Variants in BCL11B observed in about 807,000 individuals in gnomAD.
BCL11B encodes B-cell lymphoma/leukemia 11B.
A neutral mutation model predicts 49.9 loss-of-function variants in BCL11B; 8 were observed. That is an observed-to-expected ratio of 0.16 (90% CI 0.09 to 0.29). The LOEUF (loss-of-function observed/expected upper bound fraction) is 0.29. Ranked by LOEUF, BCL11B falls within the 10% of genes least tolerant of loss-of-function variation. The probability of loss-of-function intolerance (pLI) is 1.00; values close to 1 mark genes in which losing one functional copy is unlikely to be tolerated. For synonymous variants in BCL11B, 739 were observed against 637.4 expected, an observed-to-expected ratio of 1.16 and a Z score of -2.40; for missense variants, 1,006 against 1,351.0, an observed-to-expected ratio of 0.74 and a Z score of 4.00.
Position 99,232,209 on chromosome 14 carries a change from C to T in BCL11B, c.428-652G>A, listed in dbSNP as rs981088565. Among the ~76,000 whole-genome samples the T allele has an allele frequency of 7.9e-5, 12 of 152,080 alleles. No homozygotes were observed. The highest frequency in any genetic ancestry group is 2.9e-4 in the African/African-American group (12 of 41,418). ...ACCCCCCTACCACACCCCAAGAAAA[C>T]CCTGGCGCTGCTCACCCCCTCCTAA... On this transcript the variant is annotated intron_variant, in intron 2 of 3. Transcript: ENST00000357195. This position sits in a 1 kb window ranked among gnomAD's most constrained non-coding sequence, Gnocchi z 5.1.
chr14:99,259,984 C>T (rs1394505068), intron 1 of BCL11B, among the ~76,000 whole-genome samples: 2 of 152,110 alleles, frequency 1.3e-5, no homozygotes, highest in South Asian at 2.1e-4. Context: ...AAAGCTCGCA[C>T]CTTTAATTAC....
intron 3 of BCL11B, among the ~76,000 whole-genome samples, chr14:99,196,109 C>T (rs561922034): frequency 2.0e-5 from 3 of 152,122 alleles, no homozygotes; most frequent in East Asian, 1.9e-4. Context: ...TGGGGCTGTC[C>T]GGCATAATAT....
chr14:99,196,837 G>A (rs752194943), intron 3 of BCL11B, among the ~76,000 whole-genome samples: 12 of 152,154 alleles, frequency 7.9e-5, no homozygotes, highest in Non-Finnish European at 4.4e-5. Flanking sequence ...CGAACACCGA[G>A]CACCTTCACA....
intron 3 of BCL11B, among the ~76,000 whole-genome samples, chr14:99,216,908 A>G (rs1451459177): frequency 7.3e-6 from 1 of 136,532 alleles, no homozygotes; most frequent in African/African-American, 2.5e-5. Context: ...ACTCAGACAT[A>G]TACATATGTA....
intron 1 of BCL11B, among the ~76,000 whole-genome samples, chr14:99,268,262 G>A (rs936176571): frequency 1.8e-4 from 27 of 151,786 alleles, no homozygotes; most frequent in Admixed American, 1.6e-3. Context: ...CTTCTCAGAC[G>A]CTCCCTCCCC....
intron 3 of BCL11B, among the ~76,000 whole-genome samples, chr14:99,181,101 C>G (rs545348890): frequency 2.6e-5 from 4 of 152,178 alleles, no homozygotes; most frequent in Non-Finnish European, 5.9e-5. Context: ...GATAGGGGTC[C>G]TCCTAAGGCC....
rs563258789 is a variant in BCL11B, at chr14:99,253,168, G to A, written c.427+4303C>T. ...GTGACTCACACAGGTGGCCAGCAGT[G>A]AGTGATGGGGCTGGGATTCCACCCG... is the stretch of plus-strand genomic sequence containing the variant. On this transcript the variant is annotated intron_variant, in intron 2 of 3. Transcript: ENST00000357195. Among the ~76,000 whole-genome samples the A allele has an allele frequency of 5.9e-5, 9 of 152,356 alleles. No homozygotes were observed. The South Asian group carries it at 1.9e-3, about 32-fold the overall frequency.
intron 2 of BCL11B, among the ~76,000 whole-genome samples, chr14:99,252,328 C>T (rs919806947): frequency 7.2e-5 from 11 of 152,192 alleles, no homozygotes; most frequent in Non-Finnish European, 1.2e-4. Context: ...AGGCAACCTG[C>T]GAGTGGGGTT....
At chr14:99,253,228 C>T (rs964960689) in intron 2 of BCL11B, among the ~76,000 whole-genome samples, 1 of 152,194 alleles carries the variant, frequency 6.6e-6, no homozygotes, top group African/African-American at 2.4e-5. Context: ...TCACCTGAAA[C>T]CCCCCGCCGG....
intron 2 of BCL11B, among the ~76,000 whole-genome samples, chr14:99,252,475 C>G (rs908996524): frequency 6.6e-6 from 1 of 152,308 alleles, no homozygotes; most frequent in African/African-American, 2.4e-5. Context: ...TCCCTGGGCT[C>G]GTCAGAAGTC....
At position 99,262,622 on chromosome 14, in the gene BCL11B, C is replaced by A. The variant is rs891913963; in HGVS notation, c.59-4783G>T. ...CCATCCGCCCGAGCTCTGCATCCGA[C>A]TGGAGACTTTACACCTGCTTCCTAC... On this transcript the variant is annotated intron_variant, in intron 1 of 3. Coordinates refer to ENST00000357195, the MANE Select transcript of BCL11B (RefSeq NM_138576.4). The surrounding 1 kb of genome is among the most constrained non-coding windows in gnomAD (Gnocchi z 4.2). Among the ~76,000 whole-genome samples, 7 of 152,190 alleles carry A rather than the reference C, an allele frequency of 4.6e-5. No homozygotes were observed. Among genetic ancestry groups the A allele is most frequent in the African/African-American group, 1.7e-4 (7 of 41,438 alleles).
intron 3 of BCL11B, among the ~76,000 whole-genome samples, chr14:99,199,516 T>C (rs570499185): frequency 3.4e-4 from 52 of 152,252 alleles, no homozygotes; most frequent in Non-Finnish European, 6.3e-4. Context: ...GAGGGACTGA[T>C]TGGAGCGCTC....
In BCL11B at chr14:99,192,063, G is replaced by A. The variant is rs562336243; in HGVS notation, c.641-15868C>T. Among the ~76,000 whole-genome samples, 12 of 152,236 alleles carry A rather than the reference G, an allele frequency of 7.9e-5. No individual in the cohort carries two copies. Among genetic ancestry groups the A allele is most frequent in the East Asian group, 5.8e-4 (3 of 5,178 alleles). ...TCAGAATCCCGAGGCCTTCAAGAAC[G>A]TGCTAGCTCCGGAATATTTTTAGAA... On this transcript the variant is annotated intron_variant, in intron 3 of 3. Coordinates refer to ENST00000357195, the MANE Select transcript of BCL11B (RefSeq NM_138576.4). The surrounding 1 kb of genome is among the most constrained non-coding windows in gnomAD (Gnocchi z 4.0).
At chr14:99,224,360 G>A (rs1209499283) in intron 3 of BCL11B, among the ~76,000 whole-genome samples, 1 of 152,162 alleles carries the variant, frequency 6.6e-6, no homozygotes, top group Non-Finnish European at 1.5e-5. Flanking sequence ...CAAAAGGGTG[G>A]GGGAGTGCCT....
chr14:99,233,567 A>T (rs909948729), intron 2 of BCL11B, among the ~76,000 whole-genome samples: 5 of 152,094 alleles, frequency 3.3e-5, no homozygotes, highest in African/African-American at 1.2e-4. Context: ...ATTTATCACT[A>T]CTGAGAAACC....
rs1888661211 is a variant in BCL11B at position 99,241,258 on chromosome 14, T to C, written c.428-9701A>G. On this transcript the variant is annotated intron_variant, in intron 2 of 3. Coordinates refer to ENST00000357195, the MANE Select transcript of BCL11B (RefSeq NM_138576.4). This position sits in a 1 kb window ranked among gnomAD's most constrained non-coding sequence, Gnocchi z 4.4. ...AAGTTCTCTGCCCAGCACCCCATCA[T>C]GAAATATACCCCAAAACAACATTGT... 6.6e-6 allele frequency among the ~76,000 whole-genome samples: 1 copy of C among 152,008 alleles called. No homozygotes were observed. Among genetic ancestry groups the C allele is most frequent in the African/African-American group, 2.4e-5 (1 of 41,354 alleles).
intron 3 of BCL11B, among the ~76,000 whole-genome samples, chr14:99,225,485 T>C (rs1888133559): frequency 6.6e-6 from 1 of 151,808 alleles, no homozygotes; most frequent in Admixed American, 6.5e-5. Flanking sequence ...TCTGATGTCC[T>C]TGGCCAGTGC....
Position 99,175,590 on chromosome 14 carries a change from C to T in BCL11B, c.1246G>A (p.Gly416Ser), listed in dbSNP as rs748749077. 7.6e-6 allele frequency: 12 copies of T among 1,577,844 alleles called. No homozygotes were observed. The Admixed American group carries it at 1.1e-4, about 14-fold the overall frequency. Residue 416 changes from glycine (G) to serine (S), a missense_variant, in exon 4 of 4, where the codon GGC becomes AGC. Physicochemically the swap from Gly to Ser is moderately conservative, Grantham distance 56. Around this residue, in one of 6 missense-constraint regions of BCL11B, gnomAD observed 97 missense variants for 81.5 expected, o/e 1.19. Transcript: ENST00000357195. ...GCTGGCGGCTGCGGGGGCGGCGTGC[C>T]GCCAGGGGGCATGGGCGGCAGCGGC... is the stretch of plus-strand genomic sequence containing the variant. Reference protein sequence around the residue: ...TPPLPPMPPGGTPPPQPPAKS... With the variant: ...TPPLPPMPPGSTPPPQPPAKS...
Position 99,241,044 on chromosome 14 carries a change from G to A in BCL11B, c.428-9487C>T, listed in dbSNP as rs1888654704. On this transcript the variant is annotated intron_variant, in intron 2 of 3. Coordinates refer to ENST00000357195, the MANE Select transcript of BCL11B (RefSeq NM_138576.4). The surrounding 1 kb of genome is among the most constrained non-coding windows in gnomAD (Gnocchi z 4.4). ...TTTTTTTTTTTCCTCAGCTGTCTTT[G>A]AAACAGAGCTGATGTGCTGGACCTC... 6.6e-6 allele frequency among the ~76,000 whole-genome samples: 1 copy of A among 151,682 alleles called. No individual in the cohort carries two copies. The highest frequency in any genetic ancestry group is 2.4e-5 in the African/African-American group (1 of 41,254).
Sources: gnomAD v4.1 joint callset for allele counts (sites outside exome capture counted in the v4.1 genomes callset) on GRCh38, gnomAD v4.1.1 for gene constraint, gnomAD v4.1.1 regional missense constraint, Gnocchi (gnomAD v3.1) non-coding constraint, MANE v1.5 for transcripts, NCBI Gene and HGNC (gene_info 2026-07-23, HGNC 2026-07-21) for gene names.